The following LEPROTL1 variants were observed in gnomAD, a reference collection of about 807,000 sequenced individuals.
LEPROTL1 encodes leptin receptor overlapping transcript-like 1.
In LEPROTL1, 6 loss-of-function variants were observed where a neutral mutation model predicts 15.4. That is an observed-to-expected ratio of 0.39 (90% confidence interval 0.21 to 0.77). The LOEUF (loss-of-function observed/expected upper bound fraction) is 0.77, where lower values mean the gene tolerates loss of function less well. Among genes scored for constraint, LEPROTL1 ranks in the 30% least tolerant of loss-of-function variants. The pLI is 0.41. For missense variants in LEPROTL1, 128 were observed against 158.1 expected (o/e 0.81, Z 1.02); for synonymous variants, 56 against 52.6 (o/e 1.06, Z -0.28).
chr8:30,120,150 ATAAAAT>A (rs1802807852), intron 3 of LEPROTL1, among the ~76,000 whole-genome samples: 1 of 152,118 alleles, frequency 6.6e-6, no homozygotes, highest in Admixed American at 6.5e-5. Context: ...AAATAAAATA[ATAAAAT>A]TATAATTGAT....
intron 1 of LEPROTL1, chr8:30,096,024 C>G: frequency 1.7e-6 from 1 of 603,086 alleles, no homozygotes. Context: ...GACCCCACGT[C>G]CACCCCGGCC....
chr8:30,129,566 G>A (rs1374872828), intron 3 of LEPROTL1, among the ~76,000 whole-genome samples: 1 of 152,020 alleles, frequency 6.6e-6, no homozygotes, highest in African/African-American at 2.4e-5. Flanking sequence ...TTAGCTGGGT[G>A]TGGTGGCATG....
intron 1 of LEPROTL1, chr8:30,095,797 A>C (rs1273809211): frequency 1.4e-6 from 1 of 700,244 alleles, no homozygotes; most frequent in Non-Finnish European, 2.6e-6. Context: ...CGCCCCCCGG[A>C]CAAAATATGA....
chr8:30,134,392 C>T (rs1456301448), intron 4 of LEPROTL1, among the ~76,000 whole-genome samples: 2 of 150,700 alleles, frequency 1.3e-5, no homozygotes, highest in African/African-American at 4.9e-5. Context: ...CACTGCATTC[C>T]AGCCTGGTGA....
intron 3 of LEPROTL1, among the ~76,000 whole-genome samples, chr8:30,128,185 A>G (rs1802936345): frequency 6.6e-6 from 1 of 152,180 alleles, no homozygotes; most frequent in African/African-American, 2.4e-5. Flanking sequence ...TCCTTAGATC[A>G]ATTCCCACAA....
At chr8:30,102,224 A>G (rs1410824785) in intron 2 of LEPROTL1, among the ~76,000 whole-genome samples, 2 of 152,222 alleles carry the variant, frequency 1.3e-5, no homozygotes, top group Non-Finnish European at 2.9e-5. Context: ...ATAGCTACAC[A>G]GTACCTCAGC....
At chr8:30,131,236 T>C (rs1310789884) in intron 3 of LEPROTL1, among the ~76,000 whole-genome samples, 2 of 150,234 alleles carry the variant, frequency 1.3e-5, no homozygotes. Flanking sequence ...TTTAGGTGCA[T>C]ACACCATGTC....
At chr8:30,100,780 T>C (rs1278275132) in intron 1 of LEPROTL1, among the ~76,000 whole-genome samples, 1 of 152,214 alleles carries the variant, frequency 6.6e-6, no homozygotes, top group African/African-American at 2.4e-5. Context: ...GTCTAGGTCA[T>C]TGGTTAACTA....
At chr8:30,123,106 G>T (rs542146076) in intron 3 of LEPROTL1, among the ~76,000 whole-genome samples, 37 of 152,140 alleles carry the variant, frequency 2.4e-4, no homozygotes, top group East Asian at 2.3e-3. Flanking sequence ...AAGGCCAGGG[G>T]TCTCTGCTCC....
rs375242252 is a variant in LEPROTL1, at chr8:30,099,848, G to C, written c.17-2050G>C. Among the ~76,000 whole-genome samples, 27 of 152,248 alleles carry C rather than the reference G, an allele frequency of 1.8e-4. No individual in the cohort carries two copies. The South Asian group carries it at 5.4e-3, about 30-fold the overall frequency. ...GGCCACGTGAGTGAGCAAGTCTGCT[G>C]ATTTCCAGGAAAGGAAAGAGGGCCA... On this transcript the variant is annotated intron_variant, in intron 1 of 3. Coordinates refer to ENST00000321250, the MANE Select transcript of LEPROTL1 (RefSeq NM_015344.3).
intron 3 of LEPROTL1, among the ~76,000 whole-genome samples, chr8:30,118,650 G>T (rs60923212): frequency 0.023 from 3,491 of 152,232 alleles, 135 homozygotes; most frequent in African/African-American, 0.08. Context: ...GGAGACTGGC[G>T]CTCAGCATAT....
chr8:30,099,081 T>C (rs4733355), intron 1 of LEPROTL1, among the ~76,000 whole-genome samples: 70,870 of 152,032 alleles, frequency 0.47, 20,638 homozygotes, highest in Non-Finnish European at 0.65. Flanking sequence ...TCCCTTACTC[T>C]ACCTGACGTT....
intron 4 of LEPROTL1, among the ~76,000 whole-genome samples, chr8:30,136,246 G>A (rs2117540787): frequency 6.6e-6 from 1 of 152,310 alleles, no homozygotes; most frequent in South Asian, 2.1e-4. Flanking sequence ...GAGGTCATTA[G>A]GATGGGCGCT....
intron 3 of LEPROTL1, among the ~76,000 whole-genome samples, chr8:30,128,878 A>T (rs887822221): frequency 7.1e-6 from 1 of 140,964 alleles, no homozygotes; most frequent in Non-Finnish European, 1.5e-5. Flanking sequence ...GTGCCCCTAT[A>T]AAAAGCACTC....
At chr8:30,124,608 A>G (rs1035565813) in intron 3 of LEPROTL1, among the ~76,000 whole-genome samples, 1 of 152,216 alleles carries the variant, frequency 6.6e-6, no homozygotes, top group Non-Finnish European at 1.5e-5. Context: ...AAATTTCCCT[A>G]TAATATTCTT....
rs999794473 is a variant in LEPROTL1, at chr8:30,107,151, A to G, written c.*1289A>G. 5.1e-6 allele frequency: 5 copies of G among 985,142 alleles called. No individual in the cohort carries two copies. The highest frequency in any genetic ancestry group is 1.7e-5 in the African/African-American group (1 of 57,238). 61.0% of individuals were successfully genotyped at this position (985,142 alleles called of 1,614,324 possible). A position where few individuals can be genotyped will look rare whatever the true frequency, so the allele number is the denominator to read the frequency against. ...GTTTTGATTTTGAGTTCATCATGATAGATCTGCTGTTTCCTTATAAAAGGC... is the reference window on the plus strand; with the variant it reads ...GTTTTGATTTTGAGTTCATCATGATGGATCTGCTGTTTCCTTATAAAAGGC... On this transcript the variant is annotated 3_prime_UTR_variant, in exon 4 of 4. Coordinates refer to ENST00000321250, the MANE Select transcript of LEPROTL1 (RefSeq NM_015344.3).
intron 1 of LEPROTL1, chr8:30,095,793 C>T (rs1346405016): frequency 2.9e-6 from 2 of 700,990 alleles, no homozygotes; most frequent in East Asian, 2.7e-5. Flanking sequence ...CCATCGCCCC[C>T]CGGACAAAAT....
downstream of LEPROTL1, among the ~76,000 whole-genome samples, chr8:30,109,807 T>TTGTG (rs1451588200): frequency 5.9e-5 from 9 of 152,234 alleles, no homozygotes; most frequent in African/African-American, 1.7e-4. Context: ...TCCTACCTCT[T>TTGTG]ACACAAATGA....
intron 4 of LEPROTL1, among the ~76,000 whole-genome samples, chr8:30,133,169 G>A (rs191511856): frequency 3.3e-5 from 5 of 151,908 alleles, no homozygotes; most frequent in African/African-American, 9.7e-5. Context: ...TGCCTGTCTC[G>A]GCCTCCCAGA....
Sources: allele counts gnomAD v4.1 joint callset (sites outside exome capture counted in the v4.1 genomes callset), GRCh38; gene constraint gnomAD v4.1.1; transcripts MANE v1.5; gene names NCBI Gene and HGNC (gene_info 2026-07-23, HGNC 2026-07-21).